Variants in TM9SF3 observed in about 807,000 individuals in gnomAD.
TM9SF3 encodes transmembrane 9 superfamily member 3.
A neutral mutation model predicts 78.6 loss-of-function variants in TM9SF3; 14 were observed. The ratio of observed to expected loss-of-function variants is 0.18; its 90% CI spans 0.12 to 0.28. TM9SF3 has a LOEUF of 0.28. Ranked by LOEUF, TM9SF3 falls within the 10% of genes least tolerant of loss-of-function variation. The probability of loss-of-function intolerance (pLI) is 1.00; values close to 1 mark genes in which losing one functional copy is unlikely to be tolerated. For missense variants in TM9SF3, 496 were observed against 721.9 expected, an observed-to-expected ratio of 0.69 and a Z score of 3.59; for synonymous variants, 231 against 241.7, an observed-to-expected ratio of 0.96 and a Z score of 0.41.
chr10:96,548,528 T>C (rs765782023), intron 7 of TM9SF3, among the ~76,000 whole-genome samples: 9 of 152,268 alleles, frequency 5.9e-5, no homozygotes, highest in Admixed American at 2.6e-4. Context: ...CCGCGCACAG[T>C]GGCTCACACC....
rs1234764255 is a variant in TM9SF3, at chr10:96,528,147, A to G, written c.1425T>C (p.Tyr475=). 1 of 1,611,346 alleles carries G rather than the reference A, an allele frequency of 6.2e-7. No homozygotes were observed. Among genetic ancestry groups the G allele is most frequent in the East Asian group, 2.2e-5 (1 of 44,798 alleles). The change falls in exon 12 of 15, where the codon TAT becomes TAC. Residue 475 remains tyrosine, a synonymous_variant. Coordinates refer to ENST00000371142, the MANE Select transcript of TM9SF3 (RefSeq NM_020123.4). ...MYFIFTSFWA[Y]KIYYVYGFMM... is the part of the protein sequence containing the mutation. The stretch of plus-strand genomic sequence containing the variant: ...TGAAGCCATAGACATAATAGATCTT[A>G]TATGCCCAGAAAGACGTGAAGATGA...
At position 96,586,870 on chromosome 10, in the gene TM9SF3, G is replaced by A. The variant is rs1433178544; in HGVS notation, c.-35C>T. The A allele has an allele frequency of 5.1e-6, 6 of 1,184,866 alleles. No individual in the cohort carries two copies. Among genetic ancestry groups the A allele is most frequent in the Middle Eastern group, 3.4e-4 (1 of 2,970 alleles). The allele number at this position is 1,184,866 out of a possible 1,614,324, so 73.4% of individuals were successfully genotyped here. On this transcript the variant is annotated 5_prime_UTR_variant, in exon 1 of 15. Transcript: ENST00000371142. Reference sequence around the variant, plus strand: ...CCCTCCGGCCCGGAGCCGGCTCACCGACTCCTCCTCCCGCCGCCGCCTCCT... The same window carrying A: ...CCCTCCGGCCCGGAGCCGGCTCACCAACTCCTCCTCCCGCCGCCGCCTCCT...
chr10:96,542,033 C>T (rs1848040020), intron 9 of TM9SF3, among the ~76,000 whole-genome samples: 1 of 152,202 alleles, frequency 6.6e-6, no homozygotes, highest in South Asian at 2.1e-4. Flanking sequence ...CCAAGTGATT[C>T]TAATGTGTGC....
Position 96,520,653 on chromosome 10 carries a change from GA to G in TM9SF3, c.*1609del, listed in dbSNP as rs1241198733. 5.3e-6 allele frequency: 2 copies of G among 377,218 alleles called. No homozygotes were observed. Among genetic ancestry groups the G allele is most frequent in the Admixed American group, 9.1e-5 (2 of 21,960 alleles). 23.4% of individuals were successfully genotyped at this position (377,218 alleles called of 1,614,324 possible). A position where few individuals can be genotyped will look rare whatever the true frequency, so the allele number is the denominator to read the frequency against. ...AAACTTCATATTATGAATAGTTCCA[GA>G]AAAATGTATTCAAATCACTTCTCTT... On this transcript the variant is annotated 3_prime_UTR_variant, in exon 15 of 15. Transcript: ENST00000371142.
intron 5 of TM9SF3, among the ~76,000 whole-genome samples, chr10:96,555,177 T>C (rs932397158): frequency 6.6e-6 from 1 of 152,160 alleles, no homozygotes; most frequent in East Asian, 1.9e-4. Flanking sequence ...TAAACTATTT[T>C]CTCCAATATT....
At chr10:96,573,636 C>T (rs1848463533) in intron 2 of TM9SF3, among the ~76,000 whole-genome samples, 1 of 152,048 alleles carries the variant, frequency 6.6e-6, no homozygotes, top group African/African-American at 2.4e-5. Context: ...AACCATATTC[C>T]TCTATTTAAA....
Position 96,520,836 on chromosome 10 carries a change from G to A in TM9SF3, c.*1427C>T, listed in dbSNP as rs898293052. Reference sequence around the variant, plus strand: ...TATGATTGTGCTGGATAATCTAGATGTAAGCAAGTCTGGAGATTTTAAAAT... The same window carrying A: ...TATGATTGTGCTGGATAATCTAGATATAAGCAAGTCTGGAGATTTTAAAAT... On this transcript the variant is annotated 3_prime_UTR_variant, in exon 15 of 15. Transcript: ENST00000371142. 13 of 396,500 alleles carry A rather than the reference G, an allele frequency of 3.3e-5. No homozygotes were observed. Among genetic ancestry groups the A allele is most frequent in the African/African-American group, 2.1e-4 (10 of 48,552 alleles). The allele number at this position is 396,500 out of a possible 1,614,324, so 24.6% of individuals were successfully genotyped here.
intron 8 of TM9SF3, 100 bp downstream of exon 8, chr10:96,547,795 G>A (rs1345251970): frequency 1.0e-6 from 1 of 966,776 alleles, no homozygotes; most frequent in Non-Finnish European, 1.6e-6. Flanking sequence ...ACTCCAGCCT[G>A]GGTGATGGAG....
intron 3 of TM9SF3, among the ~76,000 whole-genome samples, 191 bp from the exon 4 acceptor site, chr10:96,562,329 G>A (rs1848319935): frequency 6.7e-6 from 1 of 150,318 alleles, no homozygotes; most frequent in Non-Finnish European, 1.5e-5. Flanking sequence ...CAGAAGCCAA[G>A]CAGATGCCGC....
intron 1 of TM9SF3, among the ~76,000 whole-genome samples, chr10:96,579,431 T>C (rs892864906): frequency 6.6e-6 from 1 of 152,228 alleles, no homozygotes; most frequent in Non-Finnish European, 1.5e-5. Flanking sequence ...GACAACATTT[T>C]TGAAAATAAA....
intron 2 of TM9SF3, among the ~76,000 whole-genome samples, chr10:96,571,501 T>A (rs1163242815): frequency 9.9e-5 from 15 of 151,890 alleles, no homozygotes; most frequent in Admixed American, 9.8e-4. Flanking sequence ...AAACCTACCA[T>A]CCCCCCAGTC....
In TM9SF3 at chr10:96,556,831, T is replaced by C. The variant is rs1050560330; in HGVS notation, c.660+2828A>G. On this transcript the variant is annotated intron_variant, in intron 5 of 14. Coordinates refer to ENST00000371142, the MANE Select transcript of TM9SF3 (RefSeq NM_020123.4). Reference sequence around the variant, plus strand: ...TCAGGTTCTGAATGCCCCACCATTATACCAAAATCGTTGTCAAGTTCACCA... The same window carrying C: ...TCAGGTTCTGAATGCCCCACCATTACACCAAAATCGTTGTCAAGTTCACCA... Among the ~76,000 whole-genome samples the C allele has an allele frequency of 2.6e-5, 4 of 152,166 alleles. 1 individual carries two copies. Among genetic ancestry groups the C allele is most frequent in the African/African-American group, 7.2e-5 (3 of 41,432 alleles).
chr10:96,524,250 CTTTTA>C (rs779035586), intron 14 of TM9SF3, among the ~76,000 whole-genome samples: 12 of 151,710 alleles, frequency 7.9e-5, no homozygotes, highest in Non-Finnish European at 1.5e-4. Context: ...AATGACATTT[CTTTTA>C]TAATAGGAAA....
At chr10:96,585,464 C>T (rs1022298101) in intron 1 of TM9SF3, among the ~76,000 whole-genome samples, 2 of 152,162 alleles carry the variant, frequency 1.3e-5, no homozygotes, top group Non-Finnish European at 2.9e-5. Context: ...TTAGGTGAAA[C>T]ACCACAAGTA....
At chr10:96,564,296 T>A (rs1589459001) in intron 3 of TM9SF3, among the ~76,000 whole-genome samples, 2 of 152,248 alleles carry the variant, frequency 1.3e-5, no homozygotes, top group South Asian at 4.1e-4. Flanking sequence ...GGAAGAAACC[T>A]GTTCTCTCAA....
intron 10 of TM9SF3, 97 bp downstream of exon 10, chr10:96,532,954 A>C: frequency 1.4e-6 from 2 of 1,429,774 alleles, no homozygotes; most frequent in Non-Finnish European, 1.9e-6. Context: ...TGTCATTATC[A>C]TAAATACATA....
intron 14 of TM9SF3, among the ~76,000 whole-genome samples, chr10:96,522,903 G>C (rs1386776611): frequency 6.6e-6 from 1 of 151,790 alleles, no homozygotes; most frequent in Admixed American, 6.6e-5. Flanking sequence ...GGAATAGACA[G>C]GACAGAGAGG....
chr10:96,586,235 G>A (rs562256659), intron 1 of TM9SF3, among the ~76,000 whole-genome samples: 9 of 152,308 alleles, frequency 5.9e-5, no homozygotes, highest in African/African-American at 2.2e-4. Flanking sequence ...GGGCAGAAGC[G>A]GGCGATAAAA....
rs1847849624 is a variant in TM9SF3 at position 96,527,259 on chromosome 10, G to A, written c.1656C>T (p.Tyr552=). 6 of 1,611,562 alleles carry A rather than the reference G, an allele frequency of 3.7e-6. No homozygotes were observed. In the South Asian group the frequency reaches 5.5e-5, roughly 15 times the overall value. The stretch of plus-strand genomic sequence containing the variant: ...TGCTAAATACCGCCATATATCCAAA[G>A]TAAAATGATGTTTGAAATAAGCCAT... ...KMYGLFQTSF[Y]FGYMAVFSTA... Residue 552 remains tyrosine (Y), a synonymous_variant, in exon 14 of 15, where the codon TAC becomes TAT. Coordinates refer to ENST00000371142, the MANE Select transcript of TM9SF3 (RefSeq NM_020123.4).
Sources: gnomAD v4.1 joint callset for allele counts (sites outside exome capture counted in the v4.1 genomes callset) on GRCh38, gnomAD v4.1.1 for gene constraint, MANE v1.5 for transcripts, NCBI Gene and HGNC (gene_info 2026-07-23, HGNC 2026-07-21) for gene names.